Variants in SLC6A2 observed in about 807,000 individuals in gnomAD.
The protein encoded by SLC6A2 is solute carrier family 6 member 2, also known as sodium-dependent noradrenaline transporter.
SLC6A2 carries 26 observed loss-of-function variants against 71.7 expected under a neutral mutation model. That is an observed-to-expected ratio of 0.36 (90% CI 0.27 to 0.50). The LOEUF (loss-of-function observed/expected upper bound fraction) is 0.50. SLC6A2 is among the 20% of genes least tolerant of loss of function. SLC6A2 has a pLI of 0.96. For synonymous variants in SLC6A2, 363 were observed against 337.9 expected (o/e 1.07, Z -0.82); for missense variants, 581 against 803.9 (o/e 0.72, Z 3.35).
In SLC6A2 at chr16:55,657,427, C is replaced by T. The variant is rs376694906; in HGVS notation, c.274+459C>T. On this transcript the variant is annotated intron_variant, in intron 2 of 14. Transcript: ENST00000568943. ...AACCAGGCCCACAGTGACCCTAAAT[C>T]TAGCACTCTGAGCCTGGGGGCAGGA... 8.5e-5 allele frequency among the ~76,000 whole-genome samples: 13 copies of T among 152,314 alleles called. No individual in the cohort carries two copies. In the East Asian group the frequency reaches 1.9e-3, roughly 23 times the overall value.
intron 3 of SLC6A2, 62 bp downstream of exon 3, chr16:55,669,758 A>T: frequency 6.3e-7 from 1 of 1,584,794 alleles, no homozygotes; most frequent in Non-Finnish European, 8.7e-7. Context: ...GCCCTTGGGG[A>T]ATCTGCTCCA....
intron 4 of SLC6A2, among the ~76,000 whole-genome samples, chr16:55,678,718 T>C (rs1237606110): frequency 3.9e-5 from 6 of 152,244 alleles, no homozygotes; most frequent in African/African-American, 1.2e-4. Context: ...TAATCATCTG[T>C]GCTAAATATC....
At chr16:55,697,194 A>G (rs1965826647) in intron 9 of SLC6A2, among the ~76,000 whole-genome samples, 1 of 152,206 alleles carries the variant, frequency 6.6e-6, no homozygotes, top group Non-Finnish European at 1.5e-5. Flanking sequence ...GCTTTCAGTC[A>G]GCAGATCTGC....
At chr16:55,666,029 A>G (rs1303805398) in intron 2 of SLC6A2, among the ~76,000 whole-genome samples, 1 of 152,192 alleles carries the variant, frequency 6.6e-6, no homozygotes, top group Admixed American at 6.5e-5. Flanking sequence ...ACAGGTGTGC[A>G]TTTGTGTGCA....
chr16:55,679,461 A>T (rs1302469948), intron 4 of SLC6A2, among the ~76,000 whole-genome samples: 1 of 152,196 alleles, frequency 6.6e-6, no homozygotes. Context: ...TCCTGATCTC[A>T]AGTGATCCAC....
At chr16:55,700,931 G>A (rs1313215127) in intron 13 of SLC6A2, among the ~76,000 whole-genome samples, 4 of 152,042 alleles carry the variant, frequency 2.6e-5, no homozygotes, top group Non-Finnish European at 5.9e-5. Context: ...CTGAAATTAT[G>A]TCACTCCTAT....
intron 14 of SLC6A2, 131 bp downstream of exon 14, chr16:55,702,065 T>A: frequency 3.7e-6 from 3 of 820,388 alleles, no homozygotes; most frequent in East Asian, 2.6e-5. Flanking sequence ...CCTTTTCCCC[T>A]TGGAAACATC....
intron 4 of SLC6A2, among the ~76,000 whole-genome samples, chr16:55,674,868 A>G (rs1965036252): frequency 6.6e-6 from 1 of 152,190 alleles, no homozygotes; most frequent in Non-Finnish European, 1.5e-5. Context: ...GTAGATGCCC[A>G]GTAGTGGGAT....
Position 55,656,727 on chromosome 16 carries a change from G to T in SLC6A2, c.33G>T (p.Gln11His). The change falls in exon 2 of 15, where the codon CAG becomes CAT. Residue 11 changes from glutamine (Q) to histidine (H), a missense_variant. Around this residue, in one of 5 missense-constraint regions of SLC6A2, gnomAD observed 76 missense variants for 79.9 expected, o/e 0.95. Coordinates refer to ENST00000568943, the MANE Select transcript of SLC6A2 (RefSeq NM_001172501.3). This position sits in a 1 kb window ranked among gnomAD's most constrained non-coding sequence, Gnocchi z 4.5. Reference sequence around the variant, plus strand: ...TGGCGCGGATGAACCCGCAGGTGCAGCCCGAGAACAACGGGGCGGACACGG... The same window carrying T: ...TGGCGCGGATGAACCCGCAGGTGCATCCCGAGAACAACGGGGCGGACACGG... The part of the protein sequence containing the change: MLLARMNPQV[Q>H]PENNGADTGP... The T allele has an allele frequency of 1.2e-6, 2 of 1,612,878 alleles. No homozygotes were observed. Among genetic ancestry groups the T allele is most frequent in the Non-Finnish European group, 1.7e-6 (2 of 1,179,944 alleles).
rs1966077374 is a variant in SLC6A2 at position 55,705,263 on chromosome 16, A to G, written c.*2917A>G. On this transcript the variant is annotated 3_prime_UTR_variant, in exon 15 of 15. Coordinates refer to ENST00000568943, the MANE Select transcript of SLC6A2 (RefSeq NM_001172501.3). ...GGAGAGCTACCAACTCTTGCCAGAT[A>G]TCCTGCTGAACAGAAATCCCTGAAG... 6.5e-7 allele frequency: 1 copy of G among 1,535,718 alleles called. No homozygotes were observed. Among genetic ancestry groups the G allele is most frequent in the Non-Finnish European group, 8.7e-7 (1 of 1,146,472 alleles).
intron 4 of SLC6A2, among the ~76,000 whole-genome samples, chr16:55,677,529 G>A (rs1180126226): frequency 1.3e-5 from 2 of 152,112 alleles, no homozygotes; most frequent in East Asian, 3.9e-4. Context: ...GGTGAGATAG[G>A]TTTTGAGACC....
At position 55,702,747 on chromosome 16, in the gene SLC6A2, C is replaced by CCCAAGA. The variant is rs201774381; in HGVS notation, c.*401_*402insCCAAGA. ...TGGGCTTTTGATCAGATACCCCTCC[C>CCCAAGA]AAAAAAAAAAAAAACTAAAACTAAA... is the stretch of plus-strand genomic sequence containing the variant. On this transcript the variant is annotated 3_prime_UTR_variant, in exon 15 of 15. Transcript: ENST00000568943. 39 of 920,606 alleles carry CCCAAGA rather than the reference C, an allele frequency of 4.2e-5. No homozygotes were observed. The African/African-American group carries it at 7.6e-4, about 18-fold the overall frequency. 57.0% of individuals were successfully genotyped at this position (920,606 alleles called of 1,614,324 possible).
chr16:55,683,673 A>G (rs1453259648), intron 4 of SLC6A2, among the ~76,000 whole-genome samples: 1 of 152,000 alleles, frequency 6.6e-6, no homozygotes, highest in Non-Finnish European at 1.5e-5. Context: ...AAACCCAAAC[A>G]CTTTATTGAT....
At chr16:55,679,187 A>G (rs1965189616) in intron 4 of SLC6A2, among the ~76,000 whole-genome samples, 1 of 152,014 alleles carries the variant, frequency 6.6e-6, no homozygotes, top group African/African-American at 2.4e-5. Context: ...GGAATTAAGC[A>G]TCAGATAGGG....
At chr16:55,674,396 A>G (rs544215057) in intron 4 of SLC6A2, among the ~76,000 whole-genome samples, 1 of 151,650 alleles carries the variant, frequency 6.6e-6, no homozygotes, top group African/African-American at 2.4e-5. Context: ...ATATTATTCC[A>G]TGGTATATAT....
chr16:55,699,175 T>C (rs1023219247), intron 11 of SLC6A2, among the ~76,000 whole-genome samples: 13 of 152,228 alleles, frequency 8.5e-5, no homozygotes, highest in African/African-American at 3.1e-4. Context: ...TGGGCTCTCC[T>C]ATCAGATTGA....
chr16:55,657,885 C>T (rs1396157244), intron 2 of SLC6A2, among the ~76,000 whole-genome samples: 3 of 148,416 alleles, frequency 2.0e-5, no homozygotes, highest in African/African-American at 7.4e-5. Context: ...TGGCCCCCAC[C>T]CCCTAGCTCC....
rs1337360996 is a variant in SLC6A2 at position 55,706,188 on chromosome 16, G to A, written c.*3842G>A. 1 of 152,236 alleles carries A rather than the reference G, an allele frequency of 6.6e-6. No individual in the cohort carries two copies. The highest frequency in any genetic ancestry group is 1.9e-4 in the East Asian group (1 of 5,206). The allele number at this position is 152,236 out of a possible 1,614,324, so 9.4% of individuals were successfully genotyped here. Reference sequence around the variant, plus strand: ...AATAATAAATAATGTTTCCTGGGCTGTGTATCTGGTAGCAGAGTTCTGAAT... The same window carrying A: ...AATAATAAATAATGTTTCCTGGGCTATGTATCTGGTAGCAGAGTTCTGAAT... On this transcript the variant is annotated 3_prime_UTR_variant, in exon 15 of 15. Coordinates refer to ENST00000568943, the MANE Select transcript of SLC6A2 (RefSeq NM_001172501.3).
intron 5 of SLC6A2, among the ~76,000 whole-genome samples, chr16:55,687,351 G>T (rs1163220948): frequency 6.6e-6 from 1 of 152,226 alleles, no homozygotes; most frequent in Non-Finnish European, 1.5e-5. Context: ...AGCCTGAGTT[G>T]TGGTCAAAAA....
Sources: allele counts gnomAD v4.1 joint callset (sites outside exome capture counted in the v4.1 genomes callset), GRCh38; gene constraint gnomAD v4.1.1; regional missense constraint gnomAD v4.1.1; non-coding constraint Gnocchi (gnomAD v3.1); transcripts MANE v1.5; gene names NCBI Gene and HGNC (gene_info 2026-07-23, HGNC 2026-07-21).